The following DOCK9 variants were observed in gnomAD, a reference collection of about 807,000 sequenced individuals.
DOCK9 encodes dedicator of cytokinesis protein 9.
In DOCK9, 89 loss-of-function variants were observed where a neutral mutation model predicts 263.3. The observed-to-expected ratio is 0.34, with a 90% CI of 0.28 to 0.40. The LOEUF is 0.40. DOCK9 is among the 10% of genes least tolerant of loss of function. The pLI is 1.00. For synonymous variants in DOCK9, 976 were observed against 973.1 expected (o/e 1.00, Z -0.06); for missense variants, 2,140 against 2,603.4 (o/e 0.82, Z 3.87).
chr13:99,050,485 A>T (rs2040637729), intron 1 of DOCK9, among the ~76,000 whole-genome samples: 1 of 152,094 alleles, frequency 6.6e-6, no homozygotes. Flanking sequence ...ACGAGGTCGG[A>T]GTTCAAGACC....
chr13:98,836,798 T>C (rs1482292279), intron 39 of DOCK9, among the ~76,000 whole-genome samples: 1 of 152,230 alleles, frequency 6.6e-6, no homozygotes, highest in Non-Finnish European at 1.5e-5. Context: ...AAGCAGAGAA[T>C]GACTTGGGTC....
Position 98,881,639 on chromosome 13 carries a change from A to G in DOCK9, c.2676-12T>C. On this transcript the variant is annotated splice_polypyrimidine_tract_variant and intron_variant, in intron 24 of 52. Transcript: ENST00000682017. ...CATGAATAATGACCCTACACACCAC[A>G]GGAGTGAATAAAGCAAAGAATATGT... 1 of 1,602,770 alleles carries G rather than the reference A, an allele frequency of 6.2e-7. No homozygotes were observed. Among genetic ancestry groups the G allele is most frequent in the Non-Finnish European group, 8.5e-7 (1 of 1,174,412 alleles).
chr13:98,827,836 A>T (rs2092606938), intron 43 of DOCK9, among the ~76,000 whole-genome samples: 1 of 152,250 alleles, frequency 6.6e-6, no homozygotes, highest in Non-Finnish European at 1.5e-5. Flanking sequence ...GGCAAGGGCA[A>T]TAAGAAATCT....
intron 1 of DOCK9, among the ~76,000 whole-genome samples, chr13:99,024,710 C>A (rs75567146): frequency 0.016 from 2,402 of 152,230 alleles, 65 homozygotes; most frequent in African/African-American, 0.054. Context: ...TTGAATTTGA[C>A]TTTTTAAAAA....
chr13:98,922,278 G>A, intron 5 of DOCK9, 132 bp from the exon 6 acceptor site: 2 of 587,398 alleles, frequency 3.4e-6, no homozygotes, highest in Admixed American at 2.5e-5. Flanking sequence ...AGCACCCATT[G>A]ACACCAATGC....
chr13:99,060,880 A>G (rs1030737201), intron 1 of DOCK9, among the ~76,000 whole-genome samples: 1 of 152,216 alleles, frequency 6.6e-6, no homozygotes, highest in South Asian at 2.1e-4. Flanking sequence ...AGGGTCTGGC[A>G]GAGTGGCTGG....
intron 15 of DOCK9, 33 bp from the exon 16 acceptor site, chr13:98,888,744 C>T (rs781363895): frequency 9.5e-6 from 15 of 1,578,750 alleles, no homozygotes; most frequent in South Asian, 6.7e-5. Flanking sequence ...ATTAAACATT[C>T]GTAAGTTAAC....
chr13:98,853,379 A>G, intron 35 of DOCK9, 29 bp downstream of exon 35: 1 of 1,487,824 alleles, frequency 6.7e-7, no homozygotes, highest in Admixed American at 1.9e-5. Context: ...TGAAACGAGC[A>G]AAACAGAAAT....
chr13:98,989,331 GATGATGATGATGATGATA>G (rs1273068932), intron 1 of DOCK9, among the ~76,000 whole-genome samples: 1 of 126,018 alleles, frequency 7.9e-6, no homozygotes, highest in East Asian at 2.1e-4. Flanking sequence ...TGATGATGAT[GATGATGATGATGATGATA>G]ATAATAATAA....
At chr13:98,819,661 A>G (rs1401754914) in intron 45 of DOCK9, among the ~76,000 whole-genome samples, 2 of 152,250 alleles carry the variant, frequency 1.3e-5, no homozygotes, top group East Asian at 3.8e-4. Flanking sequence ...GTTGTGGAGA[A>G]TCGCTGTAAC....
intron 1 of DOCK9, among the ~76,000 whole-genome samples, chr13:99,049,850 T>A (rs559401855): frequency 2.6e-5 from 4 of 152,202 alleles, no homozygotes; most frequent in Admixed American, 1.3e-4. Flanking sequence ...GGACACATAC[T>A]GTATTATCAG....
chr13:99,084,645 CA>C (rs772198387), intron 1 of DOCK9, among the ~76,000 whole-genome samples: 2 of 152,040 alleles, frequency 1.3e-5, no homozygotes, highest in African/African-American at 2.4e-5. Flanking sequence ...TCTGCACCAG[CA>C]CTCCTGGGCT....
chr13:99,011,675 C>A (rs1294828792), intron 1 of DOCK9, among the ~76,000 whole-genome samples: 1 of 152,186 alleles, frequency 6.6e-6, no homozygotes, highest in Non-Finnish European at 1.5e-5. Context: ...CCCTATGAGG[C>A]AAGTACCATT....
chr13:99,052,755 C>T (rs2040755834), intron 1 of DOCK9, among the ~76,000 whole-genome samples: 1 of 151,794 alleles, frequency 6.6e-6, no homozygotes, highest in African/African-American at 2.4e-5. Context: ...CACATGCCAC[C>T]ACACCAGCCT....
At chr13:98,895,255 T>C (rs2047236057) in intron 15 of DOCK9, among the ~76,000 whole-genome samples, 2 of 152,014 alleles carry the variant, frequency 1.3e-5, no homozygotes, top group East Asian at 1.9e-4. Flanking sequence ...TAAAAATGTA[T>C]ATATAACACT....
At chr13:99,045,088 A>C (rs755572220) in intron 1 of DOCK9, among the ~76,000 whole-genome samples, 1 of 152,196 alleles carries the variant, frequency 6.6e-6, no homozygotes, top group Non-Finnish European at 1.5e-5. Flanking sequence ...CACTGTGGAA[A>C]ACAGTATGGG....
chr13:98,798,257 C>T (rs1333755323), intron 50 of DOCK9, among the ~76,000 whole-genome samples: 2 of 152,146 alleles, frequency 1.3e-5, no homozygotes, highest in East Asian at 1.9e-4. Context: ...TGATATTTCC[C>T]GGAAGGTCTG....
At chr13:98,979,445 C>A (rs1030477863), upstream of DOCK9, among the ~76,000 whole-genome samples, 24 of 152,166 alleles carry the variant, frequency 1.6e-4, no homozygotes, top group African/African-American at 5.8e-4. Context: ...GCCACCCAGT[C>A]CTCGCACAGC....
At chr13:98,903,858 GTTAAGT>G (rs780991595) in intron 10 of DOCK9, among the ~76,000 whole-genome samples, 9 of 152,158 alleles carry the variant, frequency 5.9e-5, no homozygotes, top group African/African-American at 1.4e-4. Flanking sequence ...TTGAAAACAT[GTTAAGT>G]TTAAGAAGCC....
Sources: allele counts gnomAD v4.1 joint callset (sites outside exome capture counted in the v4.1 genomes callset), GRCh38; gene constraint gnomAD v4.1.1; transcripts MANE v1.5; gene names NCBI Gene and HGNC (gene_info 2026-07-23, HGNC 2026-07-21).